SENP2: variants seen among roughly 807,000 people sequenced by gnomAD.
SENP2 encodes the protein sentrin-specific protease 2.
In SENP2, 16 loss-of-function variants were observed where a neutral mutation model predicts 86.3. The observed-to-expected ratio is 0.19, with a 90% CI of 0.13 to 0.28. The LOEUF is 0.28. SENP2 is among the 10% of genes least tolerant of loss of function. The probability of loss-of-function intolerance (pLI) is 1.00; values close to 1 mark genes in which losing one functional copy is unlikely to be tolerated. For synonymous variants in SENP2, 222 were observed against 238.7 expected, an observed-to-expected ratio of 0.93 and a Z score of 0.64; for missense variants, 552 against 703.0, an observed-to-expected ratio of 0.79 and a Z score of 2.43.
At chr3:185,624,178 G>GCCCTTCCTC in intron 15 of SENP2, 96 bp downstream of exon 15, 1 of 738,816 alleles carries the variant, frequency 1.4e-6, no homozygotes, top group Non-Finnish European at 2.3e-6. Context: ...CTCCCTCCCT[G>GCCCTTCCTC]CATGCTTTTA....
intron 15 of SENP2, among the ~76,000 whole-genome samples, chr3:185,624,709 C>T (rs1364875140): frequency 6.6e-6 from 1 of 151,828 alleles, no homozygotes. Flanking sequence ...AACCTTGTCA[C>T]CACTAAAAAT....
intron 12 of SENP2, among the ~76,000 whole-genome samples, chr3:185,618,220 A>G (rs6803426): frequency 0.27 from 40,914 of 152,210 alleles, 5,703 homozygotes; most frequent in African/African-American, 0.32. Flanking sequence ...CTGGGATTAC[A>G]GGCGTGAGCC....
intron 7 of SENP2, among the ~76,000 whole-genome samples, chr3:185,610,719 A>G (rs1473828296): frequency 6.6e-6 from 1 of 152,028 alleles, no homozygotes; most frequent in African/African-American, 2.4e-5. Context: ...GCACTTTGGG[A>G]GGCCGAGGTG....
chr3:185,629,793 T>G lies in SENP2; in HGVS notation c.1719T>G (p.Pro573=). The G allele has an allele frequency of 5.6e-6, 9 of 1,614,186 alleles. No homozygotes were observed. Among genetic ancestry groups the G allele is most frequent in the Non-Finnish European group, 7.6e-6 (9 of 1,180,026 alleles). The change falls in exon 17 of 17, where the codon CCT becomes CCG. Residue 573 remains proline, a synonymous_variant. Coordinates refer to ENST00000296257, the MANE Select transcript of SENP2 (RefSeq NM_021627.3). ...GGGGTTCTTTGCAGCACCAGATGCC[T>G]CTCTTCCGGAAGAAGATGGTGTGGG... ...KPITFTQHQM[P]LFRKKMVWEI...
In SENP2 at chr3:185,633,473, T is replaced by C. The variant is rs1712574998; in HGVS notation, c.*3629T>C. 6.6e-6 allele frequency: 1 copy of C among 152,198 alleles called. No homozygotes were observed. 9.4% of individuals were successfully genotyped at this position (152,198 alleles called of 1,614,324 possible). On this transcript the variant is annotated 3_prime_UTR_variant, in exon 17 of 17. Transcript: ENST00000296257. ...TTTTTTTCTTTTAATTTACCTAATATATATAAGGAAGGGGTTTGGATATAT... is the reference window on the plus strand; with the variant it reads ...TTTTTTTCTTTTAATTTACCTAATACATATAAGGAAGGGGTTTGGATATAT...
intron 14 of SENP2, among the ~76,000 whole-genome samples, chr3:185,623,433 C>A (rs571542067): frequency 8.1e-4 from 124 of 152,172 alleles, no homozygotes; most frequent in Non-Finnish European, 1.6e-3. Context: ...GCCACCGCAC[C>A]CGGCCTATGT....
At chr3:185,623,922 G>A (rs1712015184) in intron 14 of SENP2, 76 bp from the exon 15 acceptor site, 2 of 701,868 alleles carry the variant, frequency 2.8e-6, no homozygotes, top group East Asian at 2.9e-5. Flanking sequence ...TTTAACATCA[G>A]AAAGCCCTAT....
chr3:185,622,258 T>A (rs1414268913), intron 14 of SENP2, among the ~76,000 whole-genome samples: 1 of 152,202 alleles, frequency 6.6e-6, no homozygotes, highest in African/African-American at 2.4e-5. Flanking sequence ...ATGCTTTCCA[T>A]GAGAGTTGGG....
At chr3:185,599,796 T>C in intron 4 of SENP2, among the ~76,000 whole-genome samples, 1 of 150,032 alleles carries the variant, frequency 6.7e-6, no homozygotes, top group South Asian at 2.1e-4. Context: ...AAAAACTTGA[T>C]ATTTCTTTCT....
chr3:185,625,257 G>A (rs549391605), intron 15 of SENP2, among the ~76,000 whole-genome samples: 6 of 151,982 alleles, frequency 3.9e-5, no homozygotes, highest in South Asian at 2.1e-4. Flanking sequence ...GACCACAGGC[G>A]CCTGCCACCA....
At chr3:185,596,025 G>A (rs1722162113) in intron 2 of SENP2, among the ~76,000 whole-genome samples, 2 of 152,004 alleles carry the variant, frequency 1.3e-5, no homozygotes, top group Admixed American at 1.3e-4. Context: ...GAGTACAGTG[G>A]TGCCATCTTG....
intron 9 of SENP2, 132 bp from the exon 10 acceptor site, chr3:185,613,213 C>T (rs1722751029): frequency 3.2e-6 from 2 of 620,472 alleles, no homozygotes; most frequent in Non-Finnish European, 5.7e-6. Flanking sequence ...TTCGTTGACT[C>T]CTGGTTTAGA....
At chr3:185,597,946 A>C (rs1722229320) in intron 2 of SENP2, among the ~76,000 whole-genome samples, 1 of 152,082 alleles carries the variant, frequency 6.6e-6, no homozygotes, top group Non-Finnish European at 1.5e-5. Flanking sequence ...GAGCCACCAC[A>C]CCAGACCTAG....
intron 12 of SENP2, among the ~76,000 whole-genome samples, chr3:185,618,466 G>A (rs4456898): frequency 6.6e-6 from 1 of 152,230 alleles, no homozygotes; most frequent in African/African-American, 2.4e-5. Context: ...CCTATGACTA[G>A]TTACTTATAA....
At chr3:185,592,666 G>T (rs1220607440) in intron 2 of SENP2, among the ~76,000 whole-genome samples, 5 of 150,726 alleles carry the variant, frequency 3.3e-5, no homozygotes, top group African/African-American at 1.2e-4. Flanking sequence ...GCTCAGGCTG[G>T]AGTGCAATGG....
chr3:185,630,346 C>T lies in SENP2; in HGVS notation c.*502C>T, dbSNP rs2148998161. On this transcript the variant is annotated 3_prime_UTR_variant, in exon 17 of 17. Transcript: ENST00000296257. ...CTGCTGAAGAGCAGGAGGGAACTCT[C>T]ACTGGGGGCGGAAGGAAGTGGAGCT... 6.5e-6 allele frequency: 1 copy of T among 152,872 alleles called. No individual in the cohort carries two copies. The highest frequency in any genetic ancestry group is 1.9e-4 in the East Asian group (1 of 5,200). The allele number at this position is 152,872 out of a possible 1,614,324, so 9.5% of individuals were successfully genotyped here.
At chr3:185,600,904 G>T (rs759243448) in intron 5 of SENP2, 49 bp downstream of exon 5, 30 of 1,253,330 alleles carry the variant, frequency 2.4e-5, no homozygotes, top group Middle Eastern at 1.9e-4. Flanking sequence ...TTTATTAGGT[G>T]CTCACTCTTG....
chr3:185,628,541 T>C (rs1303540235), intron 16 of SENP2, among the ~76,000 whole-genome samples: 2 of 149,718 alleles, frequency 1.3e-5, no homozygotes, highest in Non-Finnish European at 3.0e-5. Context: ...AGTTTCGTTC[T>C]TGTTGCCCAG....
At chr3:185,590,981 T>A (rs1577715888) in intron 2 of SENP2, among the ~76,000 whole-genome samples, 1 of 117,124 alleles carries the variant, frequency 8.5e-6, no homozygotes, top group African/African-American at 3.4e-5. Context: ...CTCGGCTCAC[T>A]GCAAGCTCTG....
Sources: allele counts gnomAD v4.1 joint callset (sites outside exome capture counted in the v4.1 genomes callset), GRCh38; gene constraint gnomAD v4.1.1; transcripts MANE v1.5; gene names NCBI Gene and HGNC (gene_info 2026-07-23, HGNC 2026-07-21).